Variants in LRIG1 observed in about 807,000 individuals in gnomAD.
LRIG1 encodes the protein leucine-rich repeats and immunoglobulin-like domains protein 1.
LRIG1 carries 48 observed loss-of-function variants against 99.2 expected under a neutral mutation model. The observed-to-expected ratio is 0.48, with a 90% CI of 0.38 to 0.62. LRIG1 has a LOEUF of 0.62. Ranked by LOEUF, LRIG1 falls within the 20% of genes least tolerant of loss-of-function variation. The probability of loss-of-function intolerance (pLI) is 0.00; values close to 1 mark genes in which losing one functional copy is unlikely to be tolerated. For missense variants in LRIG1, 1,646 were observed against 1,434.4 expected (o/e 1.15, Z -2.38); for synonymous variants, 772 against 596.1 (o/e 1.29, Z -4.30).
chr3:66,437,446 C>A (rs1168354307), intron 3 of LRIG1, among the ~76,000 whole-genome samples: 2 of 152,198 alleles, frequency 1.3e-5, no homozygotes, highest in Non-Finnish European at 1.5e-5. Context: ...CTTTTTCTCC[C>A]TTGACACCCT....
rs1358125682 is a variant in LRIG1, at chr3:66,383,368, C to T, written c.2105G>A (p.Arg702His). 21 of 1,574,806 alleles carry T rather than the reference C, an allele frequency of 1.3e-5. No homozygotes were observed. Among genetic ancestry groups the T allele is most frequent in the East Asian group, 4.5e-5 (2 of 44,338 alleles). Residue 702 changes from arginine to histidine, a missense_variant, in exon 15 of 19, where the codon CGT (arginine) becomes CAT (histidine). Coordinates refer to ENST00000273261, the MANE Select transcript of LRIG1 (RefSeq NM_015541.3). ...TPSLVVPLEDRVVSVGETVAL... is the reference protein window; with the variant it reads ...TPSLVVPLEDHVVSVGETVAL... Reference sequence around the variant, plus strand: ...CACTGTTTCTCCCACAGATACCACACGGTCTTCCAAGGGGACCACCAAGGA... The same window carrying T: ...CACTGTTTCTCCCACAGATACCACATGGTCTTCCAAGGGGACCACCAAGGA...
At chr3:66,484,040 G>A (rs1658544312) in intron 1 of LRIG1, among the ~76,000 whole-genome samples, 1 of 152,358 alleles carries the variant, frequency 6.6e-6, no homozygotes, top group Admixed American at 6.5e-5. Flanking sequence ...TAAACAGCCT[G>A]TCATCTTTTC....
chr3:66,462,284 G>A (rs943363725), intron 2 of LRIG1, among the ~76,000 whole-genome samples, 154 bp downstream of exon 2: 8 of 152,140 alleles, frequency 5.3e-5, no homozygotes, highest in Non-Finnish European at 1.0e-4. Flanking sequence ...GAGATAAGCA[G>A]GAGTAGAATT....
intron 12 of LRIG1, among the ~76,000 whole-genome samples, chr3:66,389,226 T>C (rs1306542495): frequency 6.6e-6 from 1 of 151,994 alleles, no homozygotes; most frequent in Non-Finnish European, 1.5e-5. Context: ...AACTAAAAAA[T>C]ACCCGTGTAT....
At chr3:66,453,359 C>T (rs545324343) in intron 2 of LRIG1, among the ~76,000 whole-genome samples, 2 of 152,314 alleles carry the variant, frequency 1.3e-5, no homozygotes, top group South Asian at 4.1e-4. Flanking sequence ...TATATTAATG[C>T]ATCTCTACAG....
intron 3 of LRIG1, among the ~76,000 whole-genome samples, chr3:66,450,343 G>A (rs1703862680): frequency 6.6e-6 from 1 of 152,080 alleles, no homozygotes; most frequent in East Asian, 1.9e-4. Context: ...ACAGAATGCT[G>A]GGAGCTTCAT....
Position 66,500,549 on chromosome 3 carries a change from G to A in LRIG1, c.-142C>T. The A allele has an allele frequency of 2.3e-6, 1 of 426,210 alleles. No homozygotes were observed. The highest frequency in any genetic ancestry group is 3.9e-6 in the Non-Finnish European group (1 of 256,270). The allele number at this position is 426,210 out of a possible 1,614,324, so 26.4% of individuals were successfully genotyped here. A position where few individuals can be genotyped will look rare whatever the true frequency, so the allele number is the denominator to read the frequency against. On this transcript the variant is annotated 5_prime_UTR_variant, in exon 1 of 19. Transcript: ENST00000273261. ...GGCCCCCGCCCCAAGTTCTCTCTGC[G>A]GCCGCGGCTCCGGCACTCAGCGTGC...
chr3:66,386,353 A>T, intron 12 of LRIG1, 52 bp from the exon 13 acceptor site: 2 of 1,478,378 alleles, frequency 1.4e-6, no homozygotes, highest in Non-Finnish European at 1.9e-6. Flanking sequence ...TACACAGAGG[A>T]ACCAGCTGCT....
At chr3:66,431,638 A>G (rs34987338) in intron 3 of LRIG1, among the ~76,000 whole-genome samples, 4,006 of 152,294 alleles carry the variant, frequency 0.026, 269 homozygotes, top group Admixed American at 0.14. Flanking sequence ...TCCAAGACCA[A>G]TGAGCTCTGA....
chr3:66,419,232 C>G (rs1407555331), intron 3 of LRIG1, among the ~76,000 whole-genome samples: 1 of 152,186 alleles, frequency 6.6e-6, no homozygotes, highest in East Asian at 1.9e-4. Flanking sequence ...CAACATCTCT[C>G]CCACGCCAGT....
chr3:66,472,293 G>C (rs1406959610), intron 1 of LRIG1, among the ~76,000 whole-genome samples: 1 of 101,864 alleles, frequency 9.8e-6, no homozygotes, highest in South Asian at 3.9e-4. Flanking sequence ...GACAGAGCAA[G>C]ACTCTGTCTC....
chr3:66,439,553 T>C (rs1019199800), intron 3 of LRIG1, among the ~76,000 whole-genome samples: 1 of 149,662 alleles, frequency 6.7e-6, no homozygotes, highest in Non-Finnish European at 1.5e-5. Flanking sequence ...TTCTATATCA[T>C]CTATTTACTT....
chr3:66,496,173 T>C (rs1701222879), intron 1 of LRIG1, among the ~76,000 whole-genome samples: 1 of 152,164 alleles, frequency 6.6e-6, no homozygotes, highest in African/African-American at 2.4e-5. Context: ...CCAAATATAA[T>C]TATGCAAAGA....
rs574789699 is a variant in LRIG1 at position 66,489,679 on chromosome 3, A to G, written c.218+10511T>C. Reference sequence around the variant, plus strand: ...TCAATTAGAATAGAATCATGAACCTAAAAATGAGGGGTCTTAGAAATTATA... The same window carrying G: ...TCAATTAGAATAGAATCATGAACCTGAAAATGAGGGGTCTTAGAAATTATA... On this transcript the variant is annotated intron_variant, in intron 1 of 18. Coordinates refer to ENST00000273261, the MANE Select transcript of LRIG1 (RefSeq NM_015541.3). 1.9e-4 allele frequency among the ~76,000 whole-genome samples: 29 copies of G among 152,298 alleles called. No homozygotes were observed. The South Asian group carries it at 6.0e-3, about 32-fold the overall frequency.
chr3:66,453,668 C>T (rs552792176), intron 2 of LRIG1, among the ~76,000 whole-genome samples: 1 of 152,250 alleles, frequency 6.6e-6, no homozygotes, highest in African/African-American at 2.4e-5. Context: ...TAGGGTCATG[C>T]TACTAGAGAG....
At chr3:66,441,244 C>A (rs567241597) in intron 3 of LRIG1, among the ~76,000 whole-genome samples, 1 of 152,240 alleles carries the variant, frequency 6.6e-6, no homozygotes, top group East Asian at 1.9e-4. Flanking sequence ...CACAAACTGG[C>A]ACCTTTATTT....
chr3:66,391,116 A>G (rs1701599424), intron 12 of LRIG1, among the ~76,000 whole-genome samples: 1 of 152,310 alleles, frequency 6.6e-6, no homozygotes, highest in African/African-American at 2.4e-5. Flanking sequence ...ATGAGACTCT[A>G]TTTTACACTC....
At chr3:66,429,575 T>G (rs1169368910) in intron 3 of LRIG1, among the ~76,000 whole-genome samples, 1 of 152,186 alleles carries the variant, frequency 6.6e-6, no homozygotes, top group Non-Finnish European at 1.5e-5. Flanking sequence ...TAGAGAGAGA[T>G]GAGCAGGTTC....
chr3:66,380,408 C>T lies in LRIG1; in HGVS notation c.3137G>A (p.Ser1046Asn), dbSNP rs768052943. 1.2e-6 allele frequency: 2 copies of T among 1,614,086 alleles called. No homozygotes were observed. The highest frequency in any genetic ancestry group is 1.7e-5 in the Admixed American group (1 of 60,010). ...GTACTGGGCTTCCGCGCGCTCTGGA[C>T]TGCCTGAAGTTAATGAAGATGCAGG... ...LQPASSLTSGSPERAEAQYLL... is the reference protein window; with the variant it reads ...LQPASSLTSGNPERAEAQYLL... The change falls in exon 19 of 19, where the codon AGT becomes AAT. Residue 1046 changes from serine (S) to asparagine (N), a missense_variant. By Grantham distance (46) the Ser-to-Asn change is conservative. Coordinates refer to ENST00000273261, the MANE Select transcript of LRIG1 (RefSeq NM_015541.3).
Sources: gnomAD v4.1 joint callset for allele counts (sites outside exome capture counted in the v4.1 genomes callset) on GRCh38, gnomAD v4.1.1 for gene constraint, MANE v1.5 for transcripts, NCBI Gene and HGNC (gene_info 2026-07-23, HGNC 2026-07-21) for gene names.